The following ACTR5 variants were observed in gnomAD, a reference collection of about 807,000 sequenced individuals.
ACTR5 encodes actin related protein 5.
Under a neutral mutation model 61.2 loss-of-function variants are expected in ACTR5, and 43 were observed. The observed-to-expected ratio is 0.70, with a 90% CI of 0.55 to 0.91. The LOEUF (loss-of-function observed/expected upper bound fraction) is 0.91. Among genes scored for constraint, ACTR5 ranks in the 40% least tolerant of loss-of-function variants. The pLI, the probability that ACTR5 is intolerant of heterozygous loss-of-function variation, is 0.00. For missense variants in ACTR5, 798 were observed against 782.2 expected (o/e 1.02, Z -0.24); for synonymous variants, 333 against 310.5 (o/e 1.07, Z -0.76).
Position 38,767,525 on chromosome 20 carries a change from A to T in ACTR5, c.1495A>T (p.Met499Leu). Residue 499 changes from methionine to leucine, a missense_variant, in exon 8 of 9, where the codon ATG (methionine) becomes TTG (leucine). By Grantham distance (15) the Met-to-Leu change is conservative. Coordinates refer to ENST00000243903, the MANE Select transcript of ACTR5 (RefSeq NM_024855.4). ...QNVFLTGGNT[M>L]YPGMKARMEK... is the part of the protein sequence containing the mutation. ...CGTTTTCCTCACTGGCGGCAACACG[A>T]TGTATCCTGGCATGAAAGCCAGAAT... The T allele has an allele frequency of 6.2e-7, 1 of 1,614,178 alleles. No homozygotes were observed. The highest frequency in any genetic ancestry group is 8.5e-7 in the Non-Finnish European group (1 of 1,180,018).
At chr20:38,768,393 C>G (rs184780652) in intron 8 of ACTR5, among the ~76,000 whole-genome samples, 5 of 152,194 alleles carry the variant, frequency 3.3e-5, no homozygotes, top group Non-Finnish European at 5.9e-5. Context: ...ATCCTACTTA[C>G]AGCTGTGACT....
chr20:38,762,104 T>C (rs139540203), intron 5 of ACTR5, among the ~76,000 whole-genome samples: 5 of 152,346 alleles, frequency 3.3e-5, no homozygotes, highest in Non-Finnish European at 7.4e-5. Context: ...GGATCTCTGC[T>C]TCAAGTTGCC....
At chr20:38,771,376 C>T (rs1397453223) in intron 8 of ACTR5, among the ~76,000 whole-genome samples, 183 bp from the exon 9 acceptor site, 1 of 152,240 alleles carries the variant, frequency 6.6e-6, no homozygotes, top group Non-Finnish European at 1.5e-5. Context: ...TCTGGAGAGT[C>T]TGGGCATTCC....
Position 38,755,136 on chromosome 20 carries a change from C to T in ACTR5, c.955C>T (p.Leu319=). The stretch of plus-strand genomic sequence containing the variant: ...CCGGCGGCGGGAGGAGAAGCTGCAG[C>T]TGGATCAGGAGCGTCTGGACCGACT... ...NARRREEKLQ[L]DQERLDRLLY... The change falls in exon 4 of 9, where the codon CTG becomes TTG. Residue 319 remains leucine (L), a synonymous_variant. Coordinates refer to ENST00000243903, the MANE Select transcript of ACTR5 (RefSeq NM_024855.4). 6.2e-7 allele frequency: 1 copy of T among 1,613,648 alleles called. No individual in the cohort carries two copies. Among genetic ancestry groups the T allele is most frequent in the Non-Finnish European group, 8.5e-7 (1 of 1,179,804 alleles).
In ACTR5 at chr20:38,752,090, C is replaced by T. The variant is rs1219730618; in HGVS notation, c.606-41C>T. On this transcript the variant is annotated intron_variant, in intron 2 of 8. Coordinates refer to ENST00000243903, the MANE Select transcript of ACTR5 (RefSeq NM_024855.4). ...TCCCAAGATGCTCCATATTTCTGTC[C>T]TCCAGAAATTTCAGTGCTGTTTTCT... is the stretch of plus-strand genomic sequence containing the variant. 2.3e-5 allele frequency: 36 copies of T among 1,585,242 alleles called. No individual in the cohort carries two copies. In the East Asian group the frequency reaches 8.2e-4, roughly 36 times the overall value.
rs144726467 is a variant in ACTR5, at chr20:38,770,229, C to A, written c.1567-1330C>A. 3.3e-5 allele frequency among the ~76,000 whole-genome samples: 5 copies of A among 152,230 alleles called. No individual in the cohort carries two copies. The East Asian group carries it at 9.6e-4, about 29-fold the overall frequency. On this transcript the variant is annotated intron_variant, in intron 8 of 8. Coordinates refer to ENST00000243903, the MANE Select transcript of ACTR5 (RefSeq NM_024855.4). ...GTATTCAGCAGTGGCTCAAACATACCAACCACCTAAGGCCCTCCGTGATCA... is the reference window on the plus strand; with the variant it reads ...GTATTCAGCAGTGGCTCAAACATACAAACCACCTAAGGCCCTCCGTGATCA...
intron 1 of ACTR5, 50 bp downstream of exon 1, chr20:38,748,903 G>T (rs769180025): frequency 1.3e-6 from 2 of 1,547,242 alleles, no homozygotes. Context: ...GGAGGGGTGC[G>T]GTCTCGTCTC....
rs1204943728 is a variant in ACTR5, at chr20:38,748,736, C to G, written c.258C>G (p.Ser86Arg). ...SGPQVGNALG[S>R]LEPLRWMLRS... ...CGCAGGTGGGGAACGCTCTGGGCAG[C>G]CTGGAGCCACTGCGCTGGATGCTGC... Residue 86 changes from serine to arginine, a missense_variant, in exon 1 of 9, where the codon AGC (serine) becomes AGG (arginine). Coordinates refer to ENST00000243903, the MANE Select transcript of ACTR5 (RefSeq NM_024855.4). 9 of 1,580,758 alleles carry G rather than the reference C, an allele frequency of 5.7e-6. No homozygotes were observed. The highest frequency in any genetic ancestry group is 1.4e-5 in the African/African-American group (1 of 73,356).
Position 38,767,479 on chromosome 20 carries a change from T to C in ACTR5, c.1449T>C (p.Ile483=). The change falls in exon 8 of 9, where the codon ATT becomes ATC. Residue 483 remains isoleucine, a synonymous_variant. Transcript: ENST00000243903. ...TCTTTCCTAGGTACCCAAAGGACAT[T>C]CAGGAAATGCTGGTTCAGAACGTTT... ...QYILDRYPKD[I]QEMLVQNVFL... 6.2e-7 allele frequency: 1 copy of C among 1,613,988 alleles called. No individual in the cohort carries two copies. Among genetic ancestry groups the C allele is most frequent in the Non-Finnish European group, 8.5e-7 (1 of 1,179,930 alleles).
At chr20:38,763,623 G>A (rs1429321254) in intron 5 of ACTR5, among the ~76,000 whole-genome samples, 1 of 152,190 alleles carries the variant, frequency 6.6e-6, no homozygotes, top group Non-Finnish European at 1.5e-5. Flanking sequence ...GAGCAGTTCT[G>A]CCTCTTCCCA....
chr20:38,759,444 C>T (rs1233168458), intron 5 of ACTR5, among the ~76,000 whole-genome samples: 2 of 152,216 alleles, frequency 1.3e-5, no homozygotes, highest in Non-Finnish European at 2.9e-5. Context: ...TTGAAATGAT[C>T]AGCTTTGTTC....
chr20:38,751,472 A>G (rs980924978), intron 2 of ACTR5, among the ~76,000 whole-genome samples: 2 of 152,242 alleles, frequency 1.3e-5, no homozygotes, highest in Non-Finnish European at 2.9e-5. Flanking sequence ...TTATATTGAG[A>G]GAAAATTACC....
rs2084366640 is a variant in ACTR5, at chr20:38,748,610, T to C, written c.132T>C (p.Ala44=). 2 of 1,523,052 alleles carry C rather than the reference T, an allele frequency of 1.3e-6. No homozygotes were observed. The highest frequency in any genetic ancestry group is 1.8e-6 in the Non-Finnish European group (2 of 1,137,596). The allele number at this position is 1,523,052 out of a possible 1,614,324, so 94.3% of individuals were successfully genotyped here. A position where few individuals can be genotyped will look rare whatever the true frequency, so the allele number is the denominator to read the frequency against. ...ACAACGGGTCGTTCCAAGTCCGCGC[T>C]GGCTGGGCGTGTCCCGGGCAGGACC... ...VLDNGSFQVR[A]GWACPGQDPG... Residue 44 remains alanine (A), a synonymous_variant, in exon 1 of 9, where the codon GCT becomes GCC. Transcript: ENST00000243903.
At chr20:38,764,229 A>G (rs761657344) in intron 5 of ACTR5, among the ~76,000 whole-genome samples, 14 of 152,292 alleles carry the variant, frequency 9.2e-5, no homozygotes, top group Middle Eastern at 3.4e-3. Flanking sequence ...TGCATACTCA[A>G]TGGCGCAGTC....
intron 5 of ACTR5, 101 bp from the exon 6 acceptor site, chr20:38,765,301 G>T: frequency 1.2e-6 from 1 of 834,164 alleles, no homozygotes; most frequent in South Asian, 1.5e-5. Context: ...TAAGGTTTTA[G>T]AACATTGGGC....
chr20:38,748,883 G>C, intron 1 of ACTR5, 30 bp downstream of exon 1: 1 of 1,578,560 alleles, frequency 6.3e-7, no homozygotes, highest in Non-Finnish European at 8.6e-7. Flanking sequence ...GGGCTGGGCT[G>C]GGTTTGAGGG....
At chr20:38,759,342 A>G (rs2244193) in intron 5 of ACTR5, among the ~76,000 whole-genome samples, 38,265 of 152,146 alleles carry the variant, frequency 0.25, 4,949 homozygotes, top group Middle Eastern at 0.35. Context: ...TGAACGCCAC[A>G]TAAGACATGT....
intron 4 of ACTR5, among the ~76,000 whole-genome samples, chr20:38,755,475 T>G (rs1313156116): frequency 6.6e-6 from 1 of 152,204 alleles, no homozygotes; most frequent in East Asian, 1.9e-4. Flanking sequence ...TTGATGGATT[T>G]TCAAAGTGAA....
chr20:38,760,312 T>C (rs903471511), intron 5 of ACTR5, among the ~76,000 whole-genome samples: 13 of 152,156 alleles, frequency 8.5e-5, no homozygotes, highest in Non-Finnish European at 1.8e-4. Flanking sequence ...TTAAGTTCTT[T>C]ACCCATCAGT....
Sources: allele counts gnomAD v4.1 joint callset (sites outside exome capture counted in the v4.1 genomes callset), GRCh38; gene constraint gnomAD v4.1.1; transcripts MANE v1.5; gene names NCBI Gene and HGNC (gene_info 2026-07-23, HGNC 2026-07-21).